ARHGAP40: variants seen among roughly 807,000 people sequenced by gnomAD.
The protein encoded by ARHGAP40 is rho GTPase-activating protein 40.
In ARHGAP40, 43 loss-of-function variants were observed where a neutral mutation model predicts 73.5. The ratio of observed to expected loss-of-function variants is 0.58; its 90% CI spans 0.46 to 0.75. The LOEUF (loss-of-function observed/expected upper bound fraction) is 0.75, where lower values mean the gene tolerates loss of function less well. Among genes scored for constraint, ARHGAP40 ranks in the 30% least tolerant of loss-of-function variants. The pLI, the probability that ARHGAP40 is intolerant of heterozygous loss-of-function variation, is 0.00. For missense variants in ARHGAP40, 734 were observed against 861.8 expected (o/e 0.85, Z 1.86); for synonymous variants, 300 against 352.8 (o/e 0.85, Z 1.68).
chr20:38,628,201 A>C (rs1379928226), intron 3 of ARHGAP40, among the ~76,000 whole-genome samples: 1 of 152,210 alleles, frequency 6.6e-6, no homozygotes, highest in Non-Finnish European at 1.5e-5. Context: ...TTGCCATGGC[A>C]ATGGTAAACT....
chr20:38,642,659 T>G (rs1297229525), intron 10 of ARHGAP40, among the ~76,000 whole-genome samples: 1 of 151,138 alleles, frequency 6.6e-6, no homozygotes, highest in African/African-American at 2.4e-5. Context: ...TATTCTTCCT[T>G]CCACCACCCA....
At chr20:38,614,632 A>T (rs906278642) in intron 1 of ARHGAP40, among the ~76,000 whole-genome samples, 4 of 152,178 alleles carry the variant, frequency 2.6e-5, no homozygotes, top group Admixed American at 2.6e-4. Flanking sequence ...TCTGCTAGGG[A>T]CAATAACTTA....
intron 9 of ARHGAP40, among the ~76,000 whole-genome samples, chr20:38,639,689 T>C (rs1457721788): frequency 6.6e-6 from 1 of 152,250 alleles, no homozygotes; most frequent in East Asian, 1.9e-4. Context: ...ACTAGTTTCC[T>C]TCACATCTTG....
Position 38,612,626 on chromosome 20 carries a change from C to T in ARHGAP40, c.137+10547C>T, listed in dbSNP as rs192393530. ...CAGAGGTTTCTGTGAGCTGAGATTG[C>T]ACCACTGCACTCCAACCTGGGCGAA... On this transcript the variant is annotated intron_variant, in intron 1 of 14. Transcript: ENST00000373345. Among the ~76,000 whole-genome samples the T allele has an allele frequency of 5.1e-3, 779 of 152,056 alleles. 2 individuals are homozygous for T. The highest frequency in any genetic ancestry group is 7.9e-3 in the South Asian group (38 of 4,802).
chr20:38,637,545 G>A (rs2088983397), intron 6 of ARHGAP40, among the ~76,000 whole-genome samples, 163 bp from the exon 7 acceptor site: 1 of 152,112 alleles, frequency 6.6e-6, no homozygotes, highest in Non-Finnish European at 1.5e-5. Flanking sequence ...GAGGCCTAAT[G>A]TTCTGCTCAA....
chr20:38,614,967 T>C, intron 1 of ARHGAP40: 2 of 1,230,298 alleles, frequency 1.6e-6, no homozygotes, highest in Admixed American at 1.7e-5. Flanking sequence ...TGCGAGTTTG[T>C]ACGTGTGGTT....
intron 1 of ARHGAP40, among the ~76,000 whole-genome samples, chr20:38,614,270 G>A (rs2088821277): frequency 6.6e-6 from 1 of 152,236 alleles, no homozygotes; most frequent in African/African-American, 2.4e-5. Context: ...ACATGGCTAT[G>A]TACACATTCA....
In ARHGAP40 at chr20:38,602,031, C is replaced by T. The variant is rs548756145; in HGVS notation, c.89C>T (p.Ala30Val). Residue 30 changes from alanine (A) to valine (V), a missense_variant, in exon 1 of 15, where the codon GCC becomes GTC. Physicochemically the swap from Ala to Val is moderately conservative, Grantham distance 64 (BLOSUM62 0). Coordinates refer to ENST00000373345, the Ensembl canonical transcript of ARHGAP40. ...TCACCGTGTCCTCGGATCCCGCGGGCCCGCATTGCCAGGCGCTGCGCCCAG... is the reference window on the plus strand; with the variant it reads ...TCACCGTGTCCTCGGATCCCGCGGGTCCGCATTGCCAGGCGCTGCGCCCAG... The T allele has an allele frequency of 3.9e-6, 5 of 1,287,452 alleles. No homozygotes were observed. In the South Asian group the frequency reaches 4.9e-5, roughly 13 times the overall value. The allele number at this position is 1,287,452 out of a possible 1,614,324, so 79.8% of individuals were successfully genotyped here.
exon 8 of ARHGAP40, chr20:38,638,829 C>G: frequency 7.7e-7 from 1 of 1,305,380 alleles, no homozygotes; most frequent in Middle Eastern, 2.1e-4. Context: ...GATCCCAGGC[C>G]AGGGTCAAGG....
intron 5 of ARHGAP40, among the ~76,000 whole-genome samples, chr20:38,630,846 A>G (rs2088933829): frequency 6.6e-6 from 1 of 152,144 alleles, no homozygotes; most frequent in Non-Finnish European, 1.5e-5. Flanking sequence ...TCATGGAGTA[A>G]ATATAGTCTT....
chr20:38,610,282 A>G (rs1391048489), intron 1 of ARHGAP40, among the ~76,000 whole-genome samples: 1 of 151,216 alleles, frequency 6.6e-6, no homozygotes, highest in East Asian at 1.9e-4. Flanking sequence ...GGAAGATGTT[A>G]TAGACCAGGA....
intron 7 of ARHGAP40, among the ~76,000 whole-genome samples, chr20:38,638,153 C>CAA (rs56186972): frequency 2.5e-3 from 368 of 144,680 alleles, no homozygotes; most frequent in Non-Finnish European, 4.1e-3. Context: ...ACTAAAAATA[C>CAA]AAAAAAAAAA....
At chr20:38,648,994 C>T (rs943135017) in intron 14 of ARHGAP40, among the ~76,000 whole-genome samples, 7 of 152,204 alleles carry the variant, frequency 4.6e-5, no homozygotes, top group Non-Finnish European at 7.3e-5. Context: ...CCAGTGAAAC[C>T]GACGCCTCTG....
At chr20:38,648,613 G>GTTTTTTTT in intron 13 of ARHGAP40, 30 bp from the exon 14 acceptor site, 3 of 1,071,992 alleles carry the variant, frequency 2.8e-6, no homozygotes, top group African/African-American at 1.7e-5. Flanking sequence ...AAAGGCAGTA[G>GTTTTTTTT]TTTTTTTTTT....
At chr20:38,632,743 A>G (rs1027419281) in intron 5 of ARHGAP40, among the ~76,000 whole-genome samples, 1 of 152,094 alleles carries the variant, frequency 6.6e-6, no homozygotes, top group Non-Finnish European at 1.5e-5. Flanking sequence ...TGGAAGGCCA[A>G]GGTGGGAGGA....
intron 1 of ARHGAP40, among the ~76,000 whole-genome samples, chr20:38,602,318 C>T (rs1281359038): frequency 2.0e-5 from 3 of 152,122 alleles, no homozygotes; most frequent in Non-Finnish European, 4.4e-5. Context: ...TGGGTTCAGG[C>T]TACTGGCCTC....
At chr20:38,641,299 G>A (rs1305749270) in intron 9 of ARHGAP40, among the ~76,000 whole-genome samples, 2 of 152,132 alleles carry the variant, frequency 1.3e-5, no homozygotes, top group African/African-American at 4.8e-5. Flanking sequence ...CGGAGATCCT[G>A]ACACCAGGTG....
chr20:38,608,509 G>T (rs2088786114), intron 1 of ARHGAP40, among the ~76,000 whole-genome samples: 1 of 152,148 alleles, frequency 6.6e-6, no homozygotes, highest in African/African-American at 2.4e-5. Context: ...TGGGCTGAAT[G>T]TTTTACAGGC....
chr20:38,619,986 C>A (rs867497077), intron 1 of ARHGAP40, among the ~76,000 whole-genome samples: 1 of 152,068 alleles, frequency 6.6e-6, no homozygotes, highest in Non-Finnish European at 1.5e-5. Context: ...GTGGGAGCAT[C>A]GCTTGAGCCC....
Sources: allele counts gnomAD v4.1 joint callset (sites outside exome capture counted in the v4.1 genomes callset), GRCh38; gene constraint gnomAD v4.1.1; transcripts MANE v1.5; gene names NCBI Gene and HGNC (gene_info 2026-07-23, HGNC 2026-07-21).